Variants in KCNQ2 observed in about 807,000 individuals in gnomAD.
KCNQ2 encodes potassium voltage-gated channel subfamily Q member 2.
KCNQ2 carries 14 observed loss-of-function variants against 84.8 expected under a neutral mutation model. That is an observed-to-expected ratio of 0.17 (90% confidence interval 0.11 to 0.26). The LOEUF (loss-of-function observed/expected upper bound fraction) is 0.26, where lower values mean the gene tolerates loss of function less well. KCNQ2 is among the 10% of genes least tolerant of loss of function. KCNQ2 has a pLI of 1.00. For synonymous variants in KCNQ2, 599 were observed against 554.1 expected (o/e 1.08, Z -1.14); for missense variants, 788 against 1,254.0 (o/e 0.63, Z 5.61).
Position 63,433,361 on chromosome 20 carries a change from A to C in KCNQ2, c.1118+448T>G, listed in dbSNP as rs2080888159. ...GAAAGTCTCACTGTGATCCGGGGTT[A>C]CTTTCCTGCCCCCCACGCCGGAGCC... On this transcript the variant is annotated intron_variant, in intron 8 of 16. Transcript: ENST00000359125. The C allele has an allele frequency of 2.7e-5, 7 of 254,756 alleles. No homozygotes were observed. In the South Asian group the frequency reaches 4.3e-4, roughly 16 times the overall value. 15.8% of individuals were successfully genotyped at this position (254,756 alleles called of 1,614,324 possible). A position where few individuals can be genotyped will look rare whatever the true frequency, so the allele number is the denominator to read the frequency against.
Position 63,433,851 on chromosome 20 carries a change from G to A in KCNQ2, c.1076C>T (p.Thr359Met), listed in dbSNP as rs118192219. Residue 359 changes from threonine to methionine, a missense_variant, in exon 8 of 17, where the codon ACG (threonine) becomes ATG (methionine). Coordinates refer to ENST00000359125, the MANE Select transcript of KCNQ2 (RefSeq NM_172107.4). ...GACCGTTCGCTCGTAGTACTGCCAC[G>A]TGGAGTGCAGGTCTGTGCGCGAGAG... ...TNLSRTDLHS[T>M]WQYYERTVTV... 6.2e-7 allele frequency: 1 copy of A among 1,613,888 alleles called. No homozygotes were observed. Among genetic ancestry groups the A allele is most frequent in the Non-Finnish European group, 8.5e-7 (1 of 1,179,852 alleles).
At position 63,442,707 on chromosome 20, in the gene KCNQ2, T is replaced by TCAC. The variant is rs749330439; in HGVS notation, c.691-179_691-177dup. Reference sequence around the variant, plus strand: ...ACCATCACCATCACCACCATCACCATCACCACCACCACCACCATCATCACC... The same window carrying TCAC: ...ACCATCACCATCACCACCATCACCATCACCACCACCACCACCACCATCATCACC... On this transcript the variant is annotated intron_variant, in intron 4 of 16. Transcript: ENST00000359125. 1.6e-3 allele frequency among the ~76,000 whole-genome samples: 55 copies of TCAC among 35,394 alleles called. 3 individuals carry two copies. The highest frequency in any genetic ancestry group is 0.014 in the East Asian group (7 of 514). 23.2% of individuals were successfully genotyped at this position (35,394 alleles called of 152,430 possible).
intron 15 of KCNQ2, chr20:63,411,952 C>A: frequency 2.9e-6 from 2 of 690,302 alleles, no homozygotes; most frequent in Admixed American, 2.2e-5. Context: ...GAGGAGCTGG[C>A]CAGGAACTGG....
At chr20:63,470,702 G>A (rs534083160) in intron 1 of KCNQ2, among the ~76,000 whole-genome samples, 2 of 152,136 alleles carry the variant, frequency 1.3e-5, no homozygotes, top group Admixed American at 6.5e-5. Context: ...ACCCTCCTCC[G>A]GGGAGTCACC....
chr20:63,467,094 C>G (rs1268569458), intron 1 of KCNQ2, among the ~76,000 whole-genome samples: 1 of 152,226 alleles, frequency 6.6e-6, no homozygotes. Flanking sequence ...CCCGCCTGAG[C>G]CTTTAACAGG....
At position 63,472,419 on chromosome 20, in the gene KCNQ2, G is replaced by A. The variant is rs1405868145; in HGVS notation, c.45C>T (p.Ser15=). Residue 15 remains serine, a synonymous_variant, in exon 1 of 17, where the codon AGC becomes AGT. Coordinates refer to ENST00000359125, the MANE Select transcript of KCNQ2 (RefSeq NM_172107.4). The part of the protein sequence containing the change: ...SRNGGVYPGP[S]GEKKLKVGFV... ...AGCCCACCTTCAGCTTCTTCTCCCC[G>A]CTCGGGCCGGGGTATACGCCGCCGT... The A allele has an allele frequency of 4.6e-6, 7 of 1,538,016 alleles. No homozygotes were observed. In the East Asian group the frequency reaches 7.5e-5, roughly 17 times the overall value.
chr20:63,463,438 T>C (rs911494238), intron 1 of KCNQ2, among the ~76,000 whole-genome samples: 5 of 152,050 alleles, frequency 3.3e-5, no homozygotes, highest in African/African-American at 1.2e-4. Flanking sequence ...GCTGCTGCCC[T>C]TCCCCAGGGC....
At chr20:63,441,382 G>A (rs921224200) in intron 5 of KCNQ2, among the ~76,000 whole-genome samples, 3 of 152,072 alleles carry the variant, frequency 2.0e-5, no homozygotes, top group Non-Finnish European at 2.9e-5. Context: ...AGAAGCAGCC[G>A]CATCCGCTGC....
chr20:63,400,873 G>A lies in KCNQ2; in HGVS notation c.*5771C>T, dbSNP rs181647499. 14 of 398,420 alleles carry A rather than the reference G, an allele frequency of 3.5e-5. No individual in the cohort carries two copies. Among genetic ancestry groups the A allele is most frequent in the Admixed American group, 3.1e-4 (7 of 22,740 alleles). 24.7% of individuals were successfully genotyped at this position (398,420 alleles called of 1,614,324 possible). ...GGCCCCTCGCCCGCCCCACCTGTTC[G>A]CAGGGTCCAGGGCGTCCGTACCTGG... On this transcript the variant is annotated 3_prime_UTR_variant, in exon 17 of 17. Transcript: ENST00000359125. The surrounding 1 kb of genome is among the most constrained non-coding windows in gnomAD (Gnocchi z 8.7).
At position 63,403,334 on chromosome 20, in the gene KCNQ2, G is replaced by C. The variant is rs1208626866; in HGVS notation, c.*3310C>G. On this transcript the variant is annotated 3_prime_UTR_variant, in exon 17 of 17. Transcript: ENST00000359125. ...CTCCCCAGGCAGCTTACACTCAGCA[G>C]GGTCAAAGAGAAAGACCAGAGACAG... 6.6e-6 allele frequency: 1 copy of C among 152,322 alleles called. No individual in the cohort carries two copies. Among genetic ancestry groups the C allele is most frequent in the Non-Finnish European group, 1.5e-5 (1 of 68,104 alleles). 9.4% of individuals were successfully genotyped at this position (152,322 alleles called of 1,614,324 possible). A position where few individuals can be genotyped will look rare whatever the true frequency, so the allele number is the denominator to read the frequency against.
rs1045146697 is a variant in KCNQ2, at chr20:63,414,268, C to T, written c.1526-75G>A. 7.2e-6 allele frequency: 8 copies of T among 1,104,994 alleles called. No homozygotes were observed. The highest frequency in any genetic ancestry group is 3.1e-5 in the African/African-American group (2 of 64,788). 68.4% of individuals were successfully genotyped at this position (1,104,994 alleles called of 1,614,324 possible). A position where few individuals can be genotyped will look rare whatever the true frequency, so the allele number is the denominator to read the frequency against. ...ATTCCCGGGGTCCTGCAGGGCACAC[C>T]GGCTAGACAGAGCGCCAGGGAGCCC... is the stretch of plus-strand genomic sequence containing the variant. On this transcript the variant is annotated intron_variant, in intron 13 of 16. Coordinates refer to ENST00000359125, the MANE Select transcript of KCNQ2 (RefSeq NM_172107.4). The surrounding 1 kb of genome is among the most constrained non-coding windows in gnomAD (Gnocchi z 6.6).
At chr20:63,454,678 G>A (rs919828314) in intron 1 of KCNQ2, among the ~76,000 whole-genome samples, 1 of 152,240 alleles carries the variant, frequency 6.6e-6, no homozygotes, top group Non-Finnish European at 1.5e-5. Flanking sequence ...TTAGAGAAGG[G>A]GAAACTGAGG....
chr20:63,424,393 C>T, intron 10 of KCNQ2, 187 bp from the exon 11 acceptor site: 1 of 647,996 alleles, frequency 1.5e-6, no homozygotes. Context: ...GAACGGGCAC[C>T]CCAGGGCCCA....
At chr20:63,426,380 T>G (rs1290242685) in intron 10 of KCNQ2, among the ~76,000 whole-genome samples, 1 of 152,158 alleles carries the variant, frequency 6.6e-6, no homozygotes, top group Non-Finnish European at 1.5e-5. Context: ...TGGGCTTCTC[T>G]CCAAAGCAGG....
intron 8 of KCNQ2, 133 bp from the exon 9 acceptor site, chr20:63,431,502 G>A: frequency 1.0e-6 from 1 of 995,966 alleles, no homozygotes; most frequent in Non-Finnish European, 1.6e-6. Flanking sequence ...TTAGCACAAG[G>A]GCTGGTTCTG....
intron 1 of KCNQ2, among the ~76,000 whole-genome samples, chr20:63,466,281 C>G (rs2082079814): frequency 6.6e-6 from 1 of 151,726 alleles, no homozygotes; most frequent in African/African-American, 2.4e-5. Flanking sequence ...AACCCACGAC[C>G]CCCGCAGGCT....
intron 11 of KCNQ2, 43 bp from the exon 12 acceptor site, chr20:63,419,715 A>G: frequency 1.3e-5 from 20 of 1,560,992 alleles, no homozygotes; most frequent in Non-Finnish European, 1.8e-5. Context: ...CGCCGGCAAC[A>G]GCACACGGCC....
chr20:63,449,234 T>G (rs1288329666), intron 1 of KCNQ2: 2 of 152,250 alleles, frequency 1.3e-5, no homozygotes, highest in Non-Finnish European at 2.9e-5. Flanking sequence ...CCCTTGGACT[T>G]CCAGGTTATG....
intron 1 of KCNQ2, among the ~76,000 whole-genome samples, chr20:63,457,696 C>T (rs1379564693): frequency 6.6e-6 from 1 of 152,222 alleles, no homozygotes; most frequent in African/African-American, 2.4e-5. Context: ...ACCACTCCCG[C>T]AGCAGACGCC....
Sources: allele counts gnomAD v4.1 joint callset (sites outside exome capture counted in the v4.1 genomes callset), GRCh38; gene constraint gnomAD v4.1.1; non-coding constraint Gnocchi (gnomAD v3.1); transcripts MANE v1.5; gene names NCBI Gene and HGNC (gene_info 2026-07-23, HGNC 2026-07-21).